GLRA2: variants seen among roughly 807,000 people sequenced by gnomAD.
GLRA2 encodes glycine receptor alpha 2, also known as glycine receptor subunit alpha-2.
A neutral mutation model predicts 31.6 loss-of-function variants in GLRA2; 11 were observed. That is an observed-to-expected ratio of 0.35 (90% CI 0.22 to 0.58). GLRA2 has a LOEUF of 0.58. GLRA2 is among the 20% of genes least tolerant of loss of function. The pLI, the probability that GLRA2 is intolerant of heterozygous loss-of-function variation, is 0.84. For synonymous variants in GLRA2, 132 were observed against 134.0 expected (o/e 0.99, Z 0.10); for missense variants, 212 against 351.8 (o/e 0.60, Z 3.18).
Position 14,530,936 on chromosome X carries a change from T to C in GLRA2, c.68+811T>C, listed in dbSNP as rs1292516714. On this transcript the variant is annotated intron_variant, in intron 1 of 8. Transcript: ENST00000218075. ...TACAACAAAGTATAGGACTCTAAATTTAATTTTCATTAAATTTTATGGCAT... is the reference window on the plus strand; with the variant it reads ...TACAACAAAGTATAGGACTCTAAATCTAATTTTCATTAAATTTTATGGCAT... 5.8e-6 allele frequency: 5 copies of C among 858,498 alleles called. No individual in the cohort carries two copies. The African/African-American group carries it at 1.1e-4, about 18-fold the overall frequency. The allele number at this position is 858,498 out of a possible 1,213,427, so 70.7% of individuals were successfully genotyped here.
chrX:14,461,749 C>T, the GLRA2 span, among the ~76,000 whole-genome samples: 18 of 111,949 alleles, frequency 1.6e-4, no homozygotes, highest in Non-Finnish European at 2.4e-4. Flanking sequence ...TGTCCTTGCA[C>T]GTGAGATGGA....
the GLRA2 span, among the ~76,000 whole-genome samples, chrX:14,524,110 T>A: frequency 8.9e-6 from 1 of 112,149 alleles, no homozygotes; most frequent in Non-Finnish European, 1.9e-5. Context: ...CCATAAATCT[T>A]CAGTTTGTAA....
chrX:14,595,042 G>A (rs769064319), intron 4 of GLRA2, among the ~76,000 whole-genome samples: 1 of 110,632 alleles, frequency 9.0e-6, no homozygotes, highest in African/African-American at 3.3e-5. Context: ...TTTAGGTCCA[G>A]CCTTAGACAA....
At chrX:14,471,373 T>C in the GLRA2 span, among the ~76,000 whole-genome samples, 1 of 111,751 alleles carries the variant, frequency 8.9e-6, no homozygotes, top group African/African-American at 3.3e-5. Flanking sequence ...AGCTCCATTC[T>C]CATTTAAGAA....
At chrX:14,553,041 A>G (rs762115100) in intron 2 of GLRA2, among the ~76,000 whole-genome samples, 7 of 112,075 alleles carry the variant, frequency 6.2e-5, no homozygotes, top group Non-Finnish European at 9.4e-5. Flanking sequence ...GAACTCAACT[A>G]TGATGAATGA....
At chrX:14,623,894 C>T (rs760905379) in intron 7 of GLRA2, among the ~76,000 whole-genome samples, 3 of 111,690 alleles carry the variant, frequency 2.7e-5, no homozygotes, top group Non-Finnish European at 5.6e-5. Flanking sequence ...CCCTCTTTTT[C>T]TATTGATTGG....
chrX:14,537,731 A>G (rs2089344829), intron 2 of GLRA2, among the ~76,000 whole-genome samples: 1 of 110,872 alleles, frequency 9.0e-6, no homozygotes, highest in Non-Finnish European at 1.9e-5. Context: ...ATTTGGTTGT[A>G]GTCTGGCACT....
At chrX:14,670,351 T>A (rs1313889774) in intron 7 of GLRA2, among the ~76,000 whole-genome samples, 1 of 112,254 alleles carries the variant, frequency 8.9e-6, no homozygotes, top group African/African-American at 3.2e-5. Flanking sequence ...AGTTGCAAAG[T>A]CACTTCCATA....
the GLRA2 span, among the ~76,000 whole-genome samples, chrX:14,520,760 C>A: frequency 1.8e-5 from 2 of 112,395 alleles, no homozygotes; most frequent in African/African-American, 3.2e-5. Context: ...GAGAAGCAAG[C>A]TGGACTTTTG....
chrX:14,495,441 C>T, the GLRA2 span, among the ~76,000 whole-genome samples: 2 of 109,998 alleles, frequency 1.8e-5, no homozygotes, highest in South Asian at 7.8e-4. Context: ...ACTCTACCAT[C>T]TAGAAAAGCA....
At chrX:14,455,503 A>G in the GLRA2 span, among the ~76,000 whole-genome samples, 4 of 111,968 alleles carry the variant, frequency 3.6e-5, no homozygotes, top group Non-Finnish European at 5.6e-5. Flanking sequence ...TTATCTCACT[A>G]AAAGTGATAT....
At chrX:14,571,844 T>C (rs1027800476) in intron 2 of GLRA2, among the ~76,000 whole-genome samples, 1 of 111,329 alleles carries the variant, frequency 9.0e-6, no homozygotes, top group African/African-American at 3.3e-5. Context: ...TAAAATACCA[T>C]GGTTAGCAGG....
the GLRA2 span, among the ~76,000 whole-genome samples, chrX:14,518,830 G>C: frequency 9.6e-6 from 1 of 104,312 alleles, no homozygotes; most frequent in African/African-American, 3.6e-5. Flanking sequence ...CTAACACAGT[G>C]AAACCCCGTC....
Position 14,711,962 on chromosome X carries a change from T to A in GLRA2, c.1081-18245T>A, listed in dbSNP as rs757634907. The stretch of plus-strand genomic sequence containing the variant: ...GAGTTTCTGTCCTTTGTAACAAATC[T>A]TCCGCGATTAAGATGCCAGATGGTT... On this transcript the variant is annotated intron_variant, in intron 8 of 8. Coordinates refer to ENST00000218075, the MANE Select transcript of GLRA2 (RefSeq NM_002063.4). Among the ~76,000 whole-genome samples the A allele has an allele frequency of 4.4e-5, 5 of 112,948 alleles. No homozygotes were observed. The East Asian group carries it at 1.4e-3, about 31-fold the overall frequency.
chrX:14,463,087 C>A, the GLRA2 span, among the ~76,000 whole-genome samples: 1 of 111,608 alleles, frequency 9.0e-6, no homozygotes. Context: ...GTTAGTTTTC[C>A]TTCTAGCAGA....
chrX:14,607,081 G>A (rs765533199), intron 5 of GLRA2, 50 bp from the exon 6 acceptor site: 2 of 990,487 alleles, frequency 2.0e-6, no homozygotes, highest in South Asian at 2.1e-5. Flanking sequence ...AGACTTTCAA[G>A]CTTTCTTGGA....
intron 7 of GLRA2, among the ~76,000 whole-genome samples, chrX:14,657,806 T>C (rs941985340): frequency 9.8e-5 from 11 of 112,254 alleles, no homozygotes; most frequent in Non-Finnish European, 1.5e-4. Context: ...ATGATGATTA[T>C]GAGTAATGTA....
chrX:14,614,105 G>A (rs941731705), intron 7 of GLRA2, among the ~76,000 whole-genome samples: 4 of 111,522 alleles, frequency 3.6e-5, no homozygotes, highest in Non-Finnish European at 5.7e-5. Context: ...GTACAGCGAT[G>A]TGGAGCACTT....
chrX:14,598,150 C>G (rs2090229027), intron 4 of GLRA2, among the ~76,000 whole-genome samples: 1 of 111,699 alleles, frequency 9.0e-6, no homozygotes, highest in Admixed American at 9.5e-5. Context: ...CCCCAAGACT[C>G]TCTTGTTCGT....
Sources: allele counts gnomAD v4.1 joint callset (sites outside exome capture counted in the v4.1 genomes callset), GRCh38; gene constraint gnomAD v4.1.1; transcripts MANE v1.5; gene names NCBI Gene and HGNC (gene_info 2026-07-23, HGNC 2026-07-21).